EVC2: variants seen among roughly 807,000 people sequenced by gnomAD.
EVC2 encodes the protein EvC ciliary complex subunit 2.
Under a neutral mutation model 149.3 loss-of-function variants are expected in EVC2, and 148 were observed. The ratio of observed to expected loss-of-function variants is 0.99; its 90% CI spans 0.87 to 1.14. EVC2 has a LOEUF of 1.14. Among genes scored for constraint, EVC2 ranks in the 50% most tolerant of loss-of-function variants. The pLI, the probability that EVC2 is intolerant of heterozygous loss-of-function variation, is 0.00. For synonymous variants in EVC2, 776 were observed against 649.9 expected (o/e 1.19, Z -2.95); for missense variants, 1,854 against 1,627.3 (o/e 1.14, Z -2.40).
At chr4:5,658,383 G>A (rs955329669) in intron 9 of EVC2, among the ~76,000 whole-genome samples, 3 of 152,188 alleles carry the variant, frequency 2.0e-5, no homozygotes, top group African/African-American at 7.2e-5. Flanking sequence ...TCTCTAAAGT[G>A]TTTACAAAGA....
At chr4:5,591,907 A>C (rs1282441667) in intron 16 of EVC2, among the ~76,000 whole-genome samples, 2 of 152,228 alleles carry the variant, frequency 1.3e-5, no homozygotes, top group Non-Finnish European at 2.9e-5. Context: ...AGAAGTTCAA[A>C]CAACTTCTTA....
At position 5,670,931 on chromosome 4, in the gene EVC2, T is replaced by A. The variant is rs1050721973; in HGVS notation, c.871-5282A>T. Among the ~76,000 whole-genome samples, 1 of 150,808 alleles carries A rather than the reference T, an allele frequency of 6.6e-6. No individual in the cohort carries two copies. The highest frequency in any genetic ancestry group is 2.4e-5 in the African/African-American group (1 of 41,350). ...ATGACCATCACAATCACTATAAACA[T>A]CATCAATATCACCATCACCATCATC... On this transcript the variant is annotated intron_variant, in intron 7 of 21. Transcript: ENST00000344408. The surrounding 1 kb of genome is among the most constrained non-coding windows in gnomAD (Gnocchi z 5.2).
At chr4:5,695,717 C>T (rs1721433762) in intron 2 of EVC2, among the ~76,000 whole-genome samples, 1 of 152,232 alleles carries the variant, frequency 6.6e-6, no homozygotes, top group Non-Finnish European at 1.5e-5. Flanking sequence ...TGGATGGTGG[C>T]ATTGTGCCTT....
chr4:5,605,903 T>G (rs1714358458), intron 16 of EVC2, among the ~76,000 whole-genome samples: 1 of 152,208 alleles, frequency 6.6e-6, no homozygotes, highest in African/African-American at 2.4e-5. Flanking sequence ...TGCTGTGGCA[T>G]GAGACCTTCC....
chr4:5,591,007 C>T (rs937925811), intron 16 of EVC2, among the ~76,000 whole-genome samples: 1 of 152,118 alleles, frequency 6.6e-6, no homozygotes, highest in African/African-American at 2.4e-5. Context: ...ATGAGGGTAA[C>T]TGCCCCCATG....
intron 1 of EVC2, among the ~76,000 whole-genome samples, chr4:5,704,869 CTA>C (rs145021587): frequency 4.0e-5 from 6 of 149,874 alleles, no homozygotes; most frequent in Middle Eastern, 3.5e-3. Flanking sequence ...TCACACACAG[CTA>C]TATATATATA....
chr4:5,642,087 T>A (rs1717372568), intron 9 of EVC2, among the ~76,000 whole-genome samples: 1 of 152,070 alleles, frequency 6.6e-6, no homozygotes, highest in South Asian at 2.1e-4. Flanking sequence ...TCCAGCTTCA[T>A]CCATGTCCCT....
Position 5,563,046 on chromosome 4 carries a change from G to T in EVC2, c.3729C>A (p.His1243Gln). 1 of 1,614,172 alleles carries T rather than the reference G, an allele frequency of 6.2e-7. No homozygotes were observed. The highest frequency in any genetic ancestry group is 1.1e-5 in the South Asian group (1 of 91,074). The change falls in exon 22 of 22, where the codon CAC becomes CAA. Residue 1243 changes from histidine (H) to glutamine (Q), a missense_variant. Coordinates refer to ENST00000344408, the MANE Select transcript of EVC2 (RefSeq NM_147127.5). ...GTTCGCCAATGGGCTCCAGTGACAG[G>T]TGTGGCCAACTTCCTTTTCCAGAGA... is the stretch of plus-strand genomic sequence containing the variant. ...MIFSGKGSWP[H>Q]LSLEPIGELA...
rs1263587404 is a variant in EVC2, at chr4:5,636,269, C to G, written c.1471-4237G>C. On this transcript the variant is annotated intron_variant, in intron 10 of 21. Coordinates refer to ENST00000344408, the MANE Select transcript of EVC2 (RefSeq NM_147127.5). This position sits in a 1 kb window ranked among gnomAD's most constrained non-coding sequence, Gnocchi z 4.6. ...CCCAAGGTTTCTCAATGGAGAAATG[C>G]TTTGAGAACTATAAGGCATTATATA... Among the ~76,000 whole-genome samples the G allele has an allele frequency of 1.3e-5, 2 of 152,128 alleles. No homozygotes were observed. The highest frequency in any genetic ancestry group is 4.8e-5 in the African/African-American group (2 of 41,426).
chr4:5,685,339 A>G, intron 6 of EVC2, 31 bp downstream of exon 6: 1 of 1,601,094 alleles, frequency 6.2e-7, no homozygotes. Flanking sequence ...TGGCAGTGGC[A>G]AGACAGAGAT....
rs1234339368 is a variant in EVC2, at chr4:5,679,284, G to A, written c.870+1976C>T. On this transcript the variant is annotated intron_variant, in intron 7 of 21. Transcript: ENST00000344408. The surrounding 1 kb of genome is among the most constrained non-coding windows in gnomAD (Gnocchi z 5.1). ...AGAGTCTCACTCTGTTAACCAGGCTGGAGTGCAGTGGCATGATCTCGGCTC... is the reference window on the plus strand; with the variant it reads ...AGAGTCTCACTCTGTTAACCAGGCTAGAGTGCAGTGGCATGATCTCGGCTC... 6.6e-6 allele frequency among the ~76,000 whole-genome samples: 1 copy of A among 152,084 alleles called. No individual in the cohort carries two copies. The highest frequency in any genetic ancestry group is 1.5e-5 in the Non-Finnish European group (1 of 68,026).
intron 6 of EVC2, among the ~76,000 whole-genome samples, chr4:5,681,536 G>A (rs1194645504): frequency 6.6e-6 from 1 of 152,128 alleles, no homozygotes; most frequent in African/African-American, 2.4e-5. Flanking sequence ...CACCAGCTTC[G>A]CTAACATCCA....
At chr4:5,530,753 T>C in the EVC2 span, among the ~76,000 whole-genome samples, 1 of 152,248 alleles carries the variant, frequency 6.6e-6, no homozygotes, top group Non-Finnish European at 1.5e-5. Flanking sequence ...GACTACCTCA[T>C]AAGGTAAACT....
chr4:5,671,462 G>A (rs183611480), intron 7 of EVC2, among the ~76,000 whole-genome samples: 2 of 152,268 alleles, frequency 1.3e-5, no homozygotes, highest in African/African-American at 2.4e-5. Context: ...CTTTAATTTT[G>A]TCCACAGACC....
chr4:5,573,684 T>A (rs1476762055), intron 19 of EVC2, among the ~76,000 whole-genome samples: 1 of 152,228 alleles, frequency 6.6e-6, no homozygotes, highest in African/African-American at 2.4e-5. Flanking sequence ...AAGCTGCTGT[T>A]TGTGGTCATT....
intron 18 of EVC2, 79 bp from the exon 19 acceptor site, chr4:5,574,851 CAAAG>C (rs1209838397): frequency 3.7e-6 from 5 of 1,367,960 alleles, no homozygotes; most frequent in Non-Finnish European, 5.2e-6. Context: ...ATTTAAATAA[CAAAG>C]AAGCACACAT....
chr4:5,629,105 G>A (rs1716344238), intron 11 of EVC2, among the ~76,000 whole-genome samples: 1 of 152,316 alleles, frequency 6.6e-6, no homozygotes, highest in Middle Eastern at 3.4e-3. Flanking sequence ...AGTTCTGGGA[G>A]AAGTCAGCCA....
chr4:5,651,378 G>A (rs1158276896), intron 9 of EVC2, among the ~76,000 whole-genome samples: 1 of 152,004 alleles, frequency 6.6e-6, no homozygotes, highest in Non-Finnish European at 1.5e-5. Context: ...ATGAAAGAAT[G>A]GGTGGGTGAA....
At chr4:5,671,289 T>C (rs539991385) in intron 7 of EVC2, among the ~76,000 whole-genome samples, 1 of 152,180 alleles carries the variant, frequency 6.6e-6, no homozygotes, top group Non-Finnish European at 1.5e-5. Flanking sequence ...GCTGGCCCTT[T>C]ATCAGGAGCC....
Sources: allele counts gnomAD v4.1 joint callset (sites outside exome capture counted in the v4.1 genomes callset), GRCh38; gene constraint gnomAD v4.1.1; non-coding constraint Gnocchi (gnomAD v3.1); transcripts MANE v1.5; gene names NCBI Gene and HGNC (gene_info 2026-07-23, HGNC 2026-07-21).